The following SH3BGRL2 variants were observed in gnomAD, a reference collection of about 807,000 sequenced individuals.
The protein encoded by SH3BGRL2 is SH3 domain binding glutamate rich protein like 2.
SH3BGRL2 carries 21 observed loss-of-function variants against 14.8 expected under a neutral mutation model. That is an observed-to-expected ratio of 1.42 (90% confidence interval 1.01 to 2.05). The LOEUF is 2.05. SH3BGRL2 is among the 30% of genes most tolerant of loss of function. The probability of loss-of-function intolerance (pLI) is 0.00; values close to 1 mark genes in which losing one functional copy is unlikely to be tolerated. For synonymous variants in SH3BGRL2, 50 were observed against 47.8 expected, an observed-to-expected ratio of 1.05 and a Z score of -0.19; for missense variants, 147 against 130.8, an observed-to-expected ratio of 1.12 and a Z score of -0.61.
At chr6:79,669,989 T>A (rs183746144) in intron 1 of SH3BGRL2, among the ~76,000 whole-genome samples, 42 of 152,330 alleles carry the variant, frequency 2.8e-4, no homozygotes, top group African/African-American at 1.0e-3. Context: ...AAAGGGCAGC[T>A]AGTCAATATT....
At chr6:79,580,639 A>G in the SH3BGRL2 span, among the ~76,000 whole-genome samples, 1 of 152,374 alleles carries the variant, frequency 6.6e-6, no homozygotes, top group Admixed American at 6.5e-5. Flanking sequence ...ACACAGTCAA[A>G]GCAGTGTGTA....
chr6:79,567,433 A>T, the SH3BGRL2 span, among the ~76,000 whole-genome samples: 34 of 152,360 alleles, frequency 2.2e-4, no homozygotes, highest in African/African-American at 7.9e-4. Flanking sequence ...TTTCACTAGT[A>T]TGTTACTGGT....
chr6:79,545,638 A>T, the SH3BGRL2 span, among the ~76,000 whole-genome samples: 2 of 152,356 alleles, frequency 1.3e-5, no homozygotes, highest in East Asian at 3.9e-4. Context: ...AGTAACTATT[A>T]GGCTAAGTAA....
chr6:79,576,851 C>G, the SH3BGRL2 span, among the ~76,000 whole-genome samples: 2 of 152,106 alleles, frequency 1.3e-5, no homozygotes, highest in Non-Finnish European at 2.9e-5. Flanking sequence ...ATTGTTTTTT[C>G]TAGAATTTCC....
chr6:79,568,534 C>T, the SH3BGRL2 span, among the ~76,000 whole-genome samples: 1 of 151,970 alleles, frequency 6.6e-6, no homozygotes, highest in Non-Finnish European at 1.5e-5. Flanking sequence ...ACCCAACAAA[C>T]ATATTATTCA....
Position 79,685,352 on chromosome 6 carries a change from A to C in SH3BGRL2, c.232-11133A>C, listed in dbSNP as rs983954096. ...AAGAGAGAACAAAACTGTTAAGACA[A>C]TCAGGCCATGTTAATATCACTTTGG... On this transcript the variant is annotated intron_variant, in intron 2 of 3. Transcript: ENST00000369838. Among the ~76,000 whole-genome samples, 93 of 152,164 alleles carry C rather than the reference A, an allele frequency of 6.1e-4. 1 individual carries two copies. Among genetic ancestry groups the C allele is most frequent in the Non-Finnish European group, 5.7e-4 (39 of 68,022 alleles).
the SH3BGRL2 span, among the ~76,000 whole-genome samples, chr6:79,594,313 C>T: frequency 6.6e-6 from 1 of 152,108 alleles, no homozygotes; most frequent in African/African-American, 2.4e-5. Flanking sequence ...GCTATATGAG[C>T]AGGAGTTTTA....
At chr6:79,627,380 G>C (rs1187705560), upstream of SH3BGRL2, among the ~76,000 whole-genome samples, 5 of 152,196 alleles carry the variant, frequency 3.3e-5, no homozygotes, top group Admixed American at 2.0e-4. Flanking sequence ...CAGGTAGCCT[G>C]AGAGTTTCCT....
chr6:79,674,774 C>T (rs1228053453), intron 2 of SH3BGRL2, among the ~76,000 whole-genome samples: 1 of 152,160 alleles, frequency 6.6e-6, no homozygotes, highest in Non-Finnish European at 1.5e-5. Context: ...TGAGGAGAAT[C>T]CTGAACATGG....
the SH3BGRL2 span, among the ~76,000 whole-genome samples, chr6:79,605,548 A>T: frequency 6.6e-6 from 1 of 152,352 alleles, no homozygotes; most frequent in African/African-American, 2.4e-5. Context: ...AGTTGTGGTA[A>T]ATCTGTAGTC....
intron 2 of SH3BGRL2, among the ~76,000 whole-genome samples, chr6:79,682,627 G>T (rs796216756): frequency 1.3e-4 from 20 of 152,314 alleles, no homozygotes; most frequent in African/African-American, 4.3e-4. Context: ...GTACCTGGGG[G>T]GGCCCAAAGT....
At chr6:79,554,865 A>G in the SH3BGRL2 span, among the ~76,000 whole-genome samples, 1 of 152,166 alleles carries the variant, frequency 6.6e-6, no homozygotes, top group African/African-American at 2.4e-5. Flanking sequence ...CCCACAGCCA[A>G]TGAATGTGGA....
At chr6:79,624,837 T>A in the SH3BGRL2 span, among the ~76,000 whole-genome samples, 2 of 151,412 alleles carry the variant, frequency 1.3e-5, no homozygotes, top group African/African-American at 4.9e-5. Context: ...TCAGATAAAA[T>A]AAAGAACCCT....
At chr6:79,671,826 A>G (rs955420065) in intron 1 of SH3BGRL2, among the ~76,000 whole-genome samples, 2 of 151,978 alleles carry the variant, frequency 1.3e-5, no homozygotes, top group African/African-American at 4.8e-5. Context: ...GGCCATGTTC[A>G]CCTCTGCAGA....
the SH3BGRL2 span, among the ~76,000 whole-genome samples, chr6:79,608,011 C>T: frequency 1.3e-5 from 2 of 152,122 alleles, no homozygotes; most frequent in African/African-American, 2.4e-5. Context: ...GGAAGCATGG[C>T]TGGTGAGGCC....
At chr6:79,605,301 C>T in the SH3BGRL2 span, among the ~76,000 whole-genome samples, 1 of 152,166 alleles carries the variant, frequency 6.6e-6, no homozygotes, top group Non-Finnish European at 1.5e-5. Context: ...GGTGTAGCCA[C>T]ATGAATGATG....
At chr6:79,630,598 G>A (rs1582708892), upstream of SH3BGRL2, among the ~76,000 whole-genome samples, 1 of 152,184 alleles carries the variant, frequency 6.6e-6, no homozygotes, top group East Asian at 1.9e-4. Context: ...GTGCACAGAG[G>A]CGAAGCCATT....
chr6:79,647,049 T>A (rs1769158503), intron 1 of SH3BGRL2, among the ~76,000 whole-genome samples: 1 of 152,232 alleles, frequency 6.6e-6, no homozygotes, highest in Admixed American at 6.5e-5. Flanking sequence ...CTCTTGGGCA[T>A]ATACCTAGGG....
At chr6:79,651,563 G>C (rs1427771301) in intron 1 of SH3BGRL2, among the ~76,000 whole-genome samples, 2 of 151,432 alleles carry the variant, frequency 1.3e-5, no homozygotes, top group African/African-American at 4.9e-5. Flanking sequence ...TACACATGTT[G>C]ATGGAGAAAG....
Sources: allele counts gnomAD v4.1 joint callset (sites outside exome capture counted in the v4.1 genomes callset), GRCh38; gene constraint gnomAD v4.1.1; transcripts MANE v1.5; gene names NCBI Gene and HGNC (gene_info 2026-07-23, HGNC 2026-07-21).